LPP: variants seen among roughly 807,000 people sequenced by gnomAD.
LPP encodes the protein lipoma-preferred partner.
Under a neutral mutation model 60.4 loss-of-function variants are expected in LPP, and 38 were observed. The ratio of observed to expected loss-of-function variants is 0.63; its 90% CI spans 0.49 to 0.83. The LOEUF is 0.83. LPP is among the 40% of genes least tolerant of loss of function. LPP has a pLI of 0.00. For synonymous variants in LPP, 328 were observed against 290.8 expected, an observed-to-expected ratio of 1.13 and a Z score of -1.30; for missense variants, 902 against 783.6, an observed-to-expected ratio of 1.15 and a Z score of -1.80.
chr3:188,506,748 A>G (rs1225857777), intron 5 of LPP, among the ~76,000 whole-genome samples: 2 of 152,202 alleles, frequency 1.3e-5, no homozygotes, highest in Non-Finnish European at 2.9e-5. Context: ...AATTGCCTGA[A>G]GGCAGGATCA....
At chr3:188,466,483 T>C (rs1002639091) in intron 4 of LPP, among the ~76,000 whole-genome samples, 3 of 151,996 alleles carry the variant, frequency 2.0e-5, no homozygotes, top group Non-Finnish European at 2.9e-5. Context: ...ATAAAGCTTG[T>C]ATCTTCTTTA....
At chr3:188,374,079 GTACCCGTACCATGC>G (rs1191529579) in intron 3 of LPP, among the ~76,000 whole-genome samples, 2 of 152,060 alleles carry the variant, frequency 1.3e-5, no homozygotes, top group Non-Finnish European at 2.9e-5. Context: ...CTCTGTTTTG[GTACCCGTACCATGC>G]TGCTTTGGTT....
intron 6 of LPP, among the ~76,000 whole-genome samples, chr3:188,561,773 G>A (rs144146517): frequency 6.6e-6 from 1 of 152,054 alleles, no homozygotes; most frequent in Non-Finnish European, 1.5e-5. Context: ...AAGGATAGGA[G>A]ACTTCACTTA....
At chr3:188,820,986 T>C (rs1753803707) in intron 9 of LPP, among the ~76,000 whole-genome samples, 1 of 152,120 alleles carries the variant, frequency 6.6e-6, no homozygotes, top group Non-Finnish European at 1.5e-5. Context: ...GAATTCATTC[T>C]AAACTTCTTT....
chr3:188,773,619 T>C (rs975569475), intron 9 of LPP, among the ~76,000 whole-genome samples: 3 of 152,228 alleles, frequency 2.0e-5, no homozygotes, highest in Non-Finnish European at 4.4e-5. Context: ...AAAAGATATT[T>C]GATGCAATTT....
intron 8 of LPP, among the ~76,000 whole-genome samples, chr3:188,753,580 C>A (rs201484383): frequency 7.2e-6 from 1 of 139,560 alleles, no homozygotes; most frequent in South Asian, 2.4e-4. Flanking sequence ...TTGTTGTGTG[C>A]GTGTGTGTGT....
Position 188,665,804 on chromosome 3 carries a change from A to G in LPP, c.1114-42463A>G, listed in dbSNP as rs73056783. On this transcript the variant is annotated intron_variant, in intron 7 of 11. Coordinates refer to ENST00000617246, the MANE Select transcript of LPP (RefSeq NM_001375462.1). ...TTCCTAAATACAGTTTTAAAAGCAC[A>G]TGTCTTGAGACTAACTTGTCCTTTC... Among the ~76,000 whole-genome samples, 1,469 of 152,282 alleles carry G rather than the reference A, an allele frequency of 9.6e-3. 30 individuals are homozygous for G. The highest frequency in any genetic ancestry group is 0.034 in the African/African-American group (1,411 of 41,570).
At chr3:188,748,381 A>G (rs954445196) in intron 8 of LPP, among the ~76,000 whole-genome samples, 13 of 152,210 alleles carry the variant, frequency 8.5e-5, no homozygotes, top group Non-Finnish European at 4.4e-5. Context: ...TGGGTAAAAT[A>G]GCTTACTCAA....
intron 2 of LPP, among the ~76,000 whole-genome samples, chr3:188,306,364 C>T (rs1233171385): frequency 6.6e-6 from 1 of 152,018 alleles, no homozygotes; most frequent in Non-Finnish European, 1.5e-5. Context: ...GTTGGGATTA[C>T]AGGTGTGAGC....
At chr3:188,248,439 A>G (rs1414944954) in intron 2 of LPP, among the ~76,000 whole-genome samples, 1 of 134,004 alleles carries the variant, frequency 7.5e-6, no homozygotes, top group Non-Finnish European at 1.6e-5. Flanking sequence ...GGAAGGGAAC[A>G]ATACCTAGTG....
chr3:188,832,893 G>A (rs1252685142), intron 9 of LPP, among the ~76,000 whole-genome samples: 1 of 152,182 alleles, frequency 6.6e-6, no homozygotes, highest in East Asian at 1.9e-4. Flanking sequence ...CATTCTAACA[G>A]TTGCAAGTCT....
intron 7 of LPP, among the ~76,000 whole-genome samples, chr3:188,692,137 C>A (rs1174441112): frequency 6.6e-6 from 1 of 152,142 alleles, no homozygotes; most frequent in Admixed American, 6.5e-5. Flanking sequence ...TTGTTAGCAT[C>A]AAAAAATCAC....
chr3:188,398,065 G>A (rs1327133353), intron 3 of LPP, among the ~76,000 whole-genome samples: 1 of 152,152 alleles, frequency 6.6e-6, no homozygotes, highest in African/African-American at 2.4e-5. Flanking sequence ...CACCATTAGT[G>A]TTAATTTATT....
intron 3 of LPP, among the ~76,000 whole-genome samples, chr3:188,395,744 T>C (rs1282646879): frequency 6.6e-6 from 1 of 150,628 alleles, no homozygotes; most frequent in Non-Finnish European, 1.5e-5. Context: ...AGACCCTGTC[T>C]TTACAAAAAA....
intron 2 of LPP, among the ~76,000 whole-genome samples, chr3:188,249,791 C>T (rs1728407866): frequency 6.7e-6 from 1 of 148,206 alleles, no homozygotes; most frequent in Non-Finnish European, 1.5e-5. Context: ...GATTTATCAT[C>T]CTCCCCCTTC....
intron 9 of LPP, among the ~76,000 whole-genome samples, chr3:188,857,129 A>T (rs1333740795): frequency 6.6e-6 from 1 of 152,214 alleles, no homozygotes; most frequent in African/African-American, 2.4e-5. Flanking sequence ...CATTGGGCAA[A>T]TATACCACAA....
At chr3:188,802,251 T>C (rs1444540726) in intron 9 of LPP, among the ~76,000 whole-genome samples, 1 of 152,206 alleles carries the variant, frequency 6.6e-6, no homozygotes, top group East Asian at 1.9e-4. Context: ...GAGGTTTAAC[T>C]CTTCATTATA....
chr3:188,607,370 G>GATAGATAGATATATAT (rs1553941079), intron 6 of LPP, among the ~76,000 whole-genome samples: 2 of 102,732 alleles, frequency 1.9e-5, no homozygotes, highest in Admixed American at 9.7e-5. Flanking sequence ...GAAAATAGAA[G>GATAGATAGATATATAT]ATATATATAT....
intron 4 of LPP, among the ~76,000 whole-genome samples, chr3:188,450,483 G>A (rs1796324513): frequency 6.6e-6 from 1 of 152,242 alleles, no homozygotes; most frequent in Admixed American, 6.5e-5. Context: ...GGTGGCTCAC[G>A]CCTGTAATCC....
Sources: allele counts gnomAD v4.1 joint callset (sites outside exome capture counted in the v4.1 genomes callset), GRCh38; gene constraint gnomAD v4.1.1; transcripts MANE v1.5; gene names NCBI Gene and HGNC (gene_info 2026-07-23, HGNC 2026-07-21).